GRIA2: variants seen among roughly 807,000 people sequenced by gnomAD.
GRIA2 encodes glutamate receptor 2.
Under a neutral mutation model 97.3 loss-of-function variants are expected in GRIA2, and 14 were observed. That is an observed-to-expected ratio of 0.14 (90% confidence interval 0.10 to 0.23). The LOEUF is 0.23. GRIA2 is among the 10% of genes least tolerant of loss of function. The probability of loss-of-function intolerance (pLI) is 1.00; values close to 1 mark genes in which losing one functional copy is unlikely to be tolerated. For synonymous variants in GRIA2, 412 were observed against 387.8 expected (o/e 1.06, Z -0.73); for missense variants, 558 against 1,069.8 (o/e 0.52, Z 6.67).
At chr4:157,268,516 G>A (rs1731871242) in intron 2 of GRIA2, among the ~76,000 whole-genome samples, 2 of 151,812 alleles carry the variant, frequency 1.3e-5, no homozygotes, top group Non-Finnish European at 2.9e-5. Context: ...TAAAGAATTT[G>A]TCTTTATTGT....
chr4:157,228,259 A>G (rs1729837056), intron 2 of GRIA2, among the ~76,000 whole-genome samples: 1 of 152,184 alleles, frequency 6.6e-6, no homozygotes, highest in African/African-American at 2.4e-5. Flanking sequence ...TTAAAGTTAG[A>G]ATTTTGTATT....
chr4:157,337,191 G>C (rs1230075715), intron 11 of GRIA2, among the ~76,000 whole-genome samples: 1 of 151,844 alleles, frequency 6.6e-6, no homozygotes. Context: ...CCCATCATTA[G>C]TTCATGGAAA....
chr4:157,318,778 G>A (rs1376353630), intron 5 of GRIA2, among the ~76,000 whole-genome samples: 1 of 152,134 alleles, frequency 6.6e-6, no homozygotes, highest in Non-Finnish European at 1.5e-5. Flanking sequence ...AAGAAAAAAA[G>A]GTGAGAGAAA....
At chr4:157,310,249 C>G (rs1734020568) in intron 3 of GRIA2, among the ~76,000 whole-genome samples, 1 of 152,116 alleles carries the variant, frequency 6.6e-6, no homozygotes, top group Admixed American at 6.6e-5. Flanking sequence ...CAAAAAATGA[C>G]ATATGGTCTT....
At chr4:157,234,937 A>G (rs557201047) in intron 2 of GRIA2, among the ~76,000 whole-genome samples, 7 of 152,246 alleles carry the variant, frequency 4.6e-5, no homozygotes, top group African/African-American at 1.7e-4. Flanking sequence ...AGGACTTCCT[A>G]CATATGAACT....
intron 2 of GRIA2, among the ~76,000 whole-genome samples, chr4:157,244,381 A>T (rs1324941756): frequency 1.3e-5 from 2 of 152,066 alleles, no homozygotes; most frequent in African/African-American, 4.8e-5. Context: ...ATAAGGCAGG[A>T]AAAAGATCTT....
At chr4:157,342,794 G>A (rs548632093) in intron 12 of GRIA2, among the ~76,000 whole-genome samples, 13 of 152,086 alleles carry the variant, frequency 8.5e-5, no homozygotes, top group South Asian at 4.1e-4. Context: ...TTTACTTGGT[G>A]CTACTTATGT....
At chr4:157,238,109 G>A (rs1383863904) in intron 2 of GRIA2, among the ~76,000 whole-genome samples, 2 of 152,090 alleles carry the variant, frequency 1.3e-5, no homozygotes, top group Non-Finnish European at 2.9e-5. Flanking sequence ...TCCCCGGTTT[G>A]TCTTAAGAAT....
intron 12 of GRIA2, among the ~76,000 whole-genome samples, chr4:157,345,552 A>G (rs894639587): frequency 6.6e-6 from 1 of 152,172 alleles, no homozygotes; most frequent in Non-Finnish European, 1.5e-5. Context: ...ATCTTGAATT[A>G]GATGACTTTG....
At chr4:157,244,482 C>T (rs765898029) in intron 2 of GRIA2, among the ~76,000 whole-genome samples, 5 of 151,978 alleles carry the variant, frequency 3.3e-5, no homozygotes, top group Admixed American at 6.6e-5. Context: ...AAAATCATTT[C>T]GAGATGAGAA....
chr4:157,267,199 G>A (rs2126781779), intron 2 of GRIA2, among the ~76,000 whole-genome samples: 2 of 152,084 alleles, frequency 1.3e-5, no homozygotes, highest in Middle Eastern at 3.4e-3. Context: ...GCTGAGGCAG[G>A]CGGATCATGA....
chr4:157,310,118 T>C (rs1350522042), intron 3 of GRIA2, among the ~76,000 whole-genome samples: 2 of 152,196 alleles, frequency 1.3e-5, no homozygotes, highest in Non-Finnish European at 2.9e-5. Context: ...GAATTGATCA[T>C]AATGACCAGC....
chr4:157,317,777 A>G, intron 5 of GRIA2, 66 bp downstream of exon 5: 1 of 696,476 alleles, frequency 1.4e-6, no homozygotes. Context: ...TTTAATTTTG[A>G]ATGGCCAGCA....
chr4:157,355,825 TTA>T (rs1462093722), intron 12 of GRIA2, among the ~76,000 whole-genome samples: 1 of 76,904 alleles, frequency 1.3e-5, no homozygotes, highest in African/African-American at 4.2e-5. Flanking sequence ...TTATATATAT[TTA>T]TATATATTTT....
At chr4:157,351,661 T>TC (rs1272193397) in intron 12 of GRIA2, among the ~76,000 whole-genome samples, 1 of 152,086 alleles carries the variant, frequency 6.6e-6, no homozygotes, top group African/African-American at 2.4e-5. Context: ...ATCCCCATAA[T>TC]CCCCATGTGT....
chr4:157,319,561 G>A (rs542650324), intron 5 of GRIA2, among the ~76,000 whole-genome samples: 5 of 152,106 alleles, frequency 3.3e-5, no homozygotes, highest in East Asian at 1.9e-4. Context: ...CAATAAGTTC[G>A]AAAGGCTGTA....
intron 2 of GRIA2, among the ~76,000 whole-genome samples, chr4:157,268,817 A>G (rs562824749): frequency 1.3e-5 from 2 of 151,878 alleles, no homozygotes; most frequent in Non-Finnish European, 2.9e-5. Flanking sequence ...CTTGATGATG[A>G]TTTATGAAAA....
intron 6 of GRIA2, among the ~76,000 whole-genome samples, chr4:157,328,265 T>C (rs1044239674): frequency 7.2e-5 from 11 of 152,056 alleles, no homozygotes; most frequent in African/African-American, 2.4e-4. Context: ...AACTCTTAGG[T>C]TTCCTGCAAA....
At chr4:157,278,753 A>G (rs1732461602) in intron 2 of GRIA2, among the ~76,000 whole-genome samples, 1 of 150,626 alleles carries the variant, frequency 6.6e-6, no homozygotes, top group African/African-American at 2.5e-5. Flanking sequence ...TATGCAAAGA[A>G]CTCATAAAAC....
Sources: gnomAD v4.1 joint callset for allele counts (sites outside exome capture counted in the v4.1 genomes callset) on GRCh38, gnomAD v4.1.1 for gene constraint, MANE v1.5 for transcripts, NCBI Gene and HGNC (gene_info 2026-07-23, HGNC 2026-07-21) for gene names.